TRAK1: variants seen among roughly 807,000 people sequenced by gnomAD.
The protein encoded by TRAK1 is trafficking kinesin-binding protein 1.
Under a neutral mutation model 92.1 loss-of-function variants are expected in TRAK1, and 33 were observed. The observed-to-expected ratio is 0.36, with a 90% confidence interval of 0.27 to 0.48. TRAK1 has a LOEUF of 0.48. Among genes scored for constraint, TRAK1 ranks in the 20% least tolerant of loss-of-function variants. The pLI is 0.99. For synonymous variants in TRAK1, 521 were observed against 517.3 expected, an observed-to-expected ratio of 1.01 and a Z score of -0.10; for missense variants, 1,123 against 1,257.9, an observed-to-expected ratio of 0.89 and a Z score of 1.62.
chr3:42,057,940 G>A (rs1703264933), intron 1 of TRAK1, among the ~76,000 whole-genome samples: 1 of 152,246 alleles, frequency 6.6e-6, no homozygotes, highest in African/African-American at 2.4e-5. Context: ...TTAAATGCCT[G>A]TAAACCTGAA....
intron 1 of TRAK1, among the ~76,000 whole-genome samples, chr3:42,067,209 A>G (rs1016390674): frequency 6.6e-5 from 10 of 152,232 alleles, no homozygotes; most frequent in African/African-American, 2.4e-4. Flanking sequence ...TTTAGAATTA[A>G]TAAAATCAAG....
intron 13 of TRAK1, chr3:42,203,422 A>G: frequency 2.0e-6 from 2 of 984,626 alleles, no homozygotes; most frequent in Non-Finnish European, 2.4e-6. Context: ...TGTTAGTATC[A>G]GGGGCATCTC....
At chr3:42,153,840 T>G (rs912027979) in intron 2 of TRAK1, among the ~76,000 whole-genome samples, 1 of 152,234 alleles carries the variant, frequency 6.6e-6, no homozygotes, top group Admixed American at 6.5e-5. Context: ...CGAATTTTCC[T>G]ACGTGTTGAC....
At chr3:42,138,744 A>G (rs1698268570) in intron 2 of TRAK1, among the ~76,000 whole-genome samples, 1 of 148,570 alleles carries the variant, frequency 6.7e-6, no homozygotes, top group Admixed American at 6.8e-5. Flanking sequence ...AAAAAAAAGT[A>G]CAGACACCAC....
intron 1 of TRAK1, among the ~76,000 whole-genome samples, chr3:42,063,389 C>G (rs1217037080): frequency 6.6e-6 from 1 of 152,194 alleles, no homozygotes; most frequent in Non-Finnish European, 1.5e-5. Context: ...AGTTCTTGCT[C>G]TTTTGTAAAG....
intron 2 of TRAK1, among the ~76,000 whole-genome samples, chr3:42,144,186 G>A (rs1699043929): frequency 6.6e-6 from 1 of 151,722 alleles, no homozygotes; most frequent in African/African-American, 2.4e-5. Flanking sequence ...CTTATAAATG[G>A]CATTTCTACC....
At chr3:42,090,680 C>A (rs554341192), upstream of TRAK1, among the ~76,000 whole-genome samples, 1 of 151,868 alleles carries the variant, frequency 6.6e-6, no homozygotes, top group Non-Finnish European at 1.5e-5. Context: ...GAGACTCTCT[C>A]AAAAAAACAA....
intron 2 of TRAK1, among the ~76,000 whole-genome samples, chr3:42,143,254 G>T (rs1217405178): frequency 2.1e-5 from 3 of 142,542 alleles, no homozygotes; most frequent in Non-Finnish European, 4.6e-5. Flanking sequence ...TTCTCAATTT[G>T]TTTTCTCTGT....
At chr3:42,175,917 G>A (rs928550680) in intron 2 of TRAK1, among the ~76,000 whole-genome samples, 4 of 152,080 alleles carry the variant, frequency 2.6e-5, no homozygotes. Context: ...AATTTTGCAC[G>A]TTGGCTGGCC....
intron 1 of TRAK1, among the ~76,000 whole-genome samples, chr3:42,054,273 C>G (rs1308603286): frequency 3.3e-5 from 5 of 152,154 alleles, no homozygotes; most frequent in African/African-American, 7.2e-5. Context: ...CTTCAGCACC[C>G]CCTTTGGCTG....
At chr3:42,174,827 A>C (rs1702995140) in intron 2 of TRAK1, among the ~76,000 whole-genome samples, 1 of 151,564 alleles carries the variant, frequency 6.6e-6, no homozygotes, top group South Asian at 2.1e-4. Context: ...TTGGCCTCGC[A>C]AAGTGCTGGG....
chr3:42,051,526 T>C (rs1702981385), intron 1 of TRAK1: 1 of 152,246 alleles, frequency 6.6e-6, no homozygotes, highest in Non-Finnish European at 1.5e-5. Flanking sequence ...GTATTAACCC[T>C]GTTGGAAGGT....
chr3:42,080,080 AAC>A (rs2148949937), intron 1 of TRAK1, among the ~76,000 whole-genome samples: 1 of 152,284 alleles, frequency 6.6e-6, no homozygotes, highest in African/African-American at 2.4e-5. Flanking sequence ...CCAGGGACAT[AAC>A]ACAGTTTCCT....
intron 6 of TRAK1, among the ~76,000 whole-genome samples, chr3:42,190,042 G>C (rs557791050): frequency 1.3e-5 from 2 of 152,204 alleles, no homozygotes; most frequent in Admixed American, 6.5e-5. Flanking sequence ...GATAACCCGA[G>C]GTCATTTGAG....
chr3:42,086,311 C>CTTTCTTT (rs1553711095), upstream of TRAK1, among the ~76,000 whole-genome samples: 41 of 140,486 alleles, frequency 2.9e-4, no homozygotes, highest in African/African-American at 8.0e-4. Flanking sequence ...CTTTTTCTTT[C>CTTTCTTT]TTTTTTTTTT....
chr3:42,137,109 A>G (rs1698057233), intron 2 of TRAK1, among the ~76,000 whole-genome samples: 2 of 152,278 alleles, frequency 1.3e-5, no homozygotes, highest in South Asian at 4.1e-4. Flanking sequence ...TTTCTGCAAC[A>G]CATTTATTTA....
At chr3:42,221,807 C>A in intron 15 of TRAK1, 1 of 152,144 alleles carries the variant, frequency 6.6e-6, no homozygotes, top group East Asian at 1.9e-4. Flanking sequence ...TCCCCTGGAT[C>A]CCTGTAGCAG....
Position 42,055,499 on chromosome 3 carries a change from G to C in TRAK1, c.-518-31605G>C, listed in dbSNP as rs559186735. 2.2e-3 allele frequency among the ~76,000 whole-genome samples: 330 copies of C among 152,292 alleles called. 3 individuals are homozygous for C. The highest frequency in any genetic ancestry group is 7.7e-3 in the African/African-American group (321 of 41,568). Reference sequence around the variant, plus strand: ...TTGTTGAGACAGGTTCTCTTGCTCTGTTGCCCAAGCTGGAATGCAATGGTG... The same window carrying C: ...TTGTTGAGACAGGTTCTCTTGCTCTCTTGCCCAAGCTGGAATGCAATGGTG... On this transcript the variant is annotated intron_variant, in intron 1 of 16. Coordinates refer to the TRAK1 transcript ENST00000487159.
chr3:42,109,208 T>A (rs888918714), intron 1 of TRAK1, among the ~76,000 whole-genome samples: 5 of 152,206 alleles, frequency 3.3e-5, no homozygotes, highest in Admixed American at 1.3e-4. Flanking sequence ...TGTAAATGCT[T>A]ATAAGTGCTT....
Sources: allele counts gnomAD v4.1 joint callset (sites outside exome capture counted in the v4.1 genomes callset), GRCh38; gene constraint gnomAD v4.1.1; transcripts MANE v1.5; gene names NCBI Gene and HGNC (gene_info 2026-07-23, HGNC 2026-07-21).